NHS: variants seen among roughly 807,000 people sequenced by gnomAD.
NHS encodes the protein NHS actin remodeling regulator.
A neutral mutation model predicts 72.5 loss-of-function variants in NHS; 5 were observed. That is an observed-to-expected ratio of 0.07 (90% CI 0.04 to 0.14). NHS has a LOEUF of 0.14. Among genes scored for constraint, NHS ranks in the 10% least tolerant of loss-of-function variants. The pLI, the probability that NHS is intolerant of heterozygous loss-of-function variation, is 1.00. For synonymous variants in NHS, 464 were observed against 547.7 expected (o/e 0.85, Z 2.13); for missense variants, 1,072 against 1,355.7 (o/e 0.79, Z 3.29).
At chrX:17,687,161 A>G (rs1385742688) in intron 1 of NHS, 1 of 128,265 alleles carries the variant, frequency 7.8e-6, no homozygotes, top group Non-Finnish European at 1.6e-5. Context: ...ACCAAGGAAG[A>G]GCAATGCTTT....
intron 1 of NHS, among the ~76,000 whole-genome samples, chrX:17,657,244 G>C (rs1177770189): frequency 8.9e-6 from 1 of 112,964 alleles, no homozygotes; most frequent in Non-Finnish European, 1.9e-5. Context: ...TCACCCCCCT[G>C]CGGGGAAGAC....
chrX:17,591,876 G>A (rs1470819750), intron 1 of NHS, among the ~76,000 whole-genome samples: 2 of 111,473 alleles, frequency 1.8e-5, no homozygotes, highest in African/African-American at 3.3e-5. Context: ...ATTTCCCTCC[G>A]GCTGCCTTTA....
intron 5 of NHS, among the ~76,000 whole-genome samples, chrX:17,722,745 G>C (rs1002070916): frequency 1.3e-4 from 14 of 110,854 alleles, no homozygotes; most frequent in Non-Finnish European, 2.5e-4. Flanking sequence ...GGGGAGTTCA[G>C]CTGCCAAAAT....
At chrX:17,723,558 T>C (rs893651610) in intron 5 of NHS, among the ~76,000 whole-genome samples, 1 of 112,020 alleles carries the variant, frequency 8.9e-6, no homozygotes, top group Non-Finnish European at 1.9e-5. Flanking sequence ...GGTGGATCCA[T>C]TTAAGTGCAG....
chrX:17,588,656 C>T (rs998170774), intron 1 of NHS, among the ~76,000 whole-genome samples: 12 of 109,906 alleles, frequency 1.1e-4, no homozygotes, highest in Non-Finnish European at 1.9e-4. Flanking sequence ...AGTCATTTAA[C>T]TCATCAGGGT....
intron 3 of NHS, among the ~76,000 whole-genome samples, chrX:17,715,698 G>T (rs914245490): frequency 9.0e-6 from 1 of 110,995 alleles, no homozygotes; most frequent in Admixed American, 9.6e-5. Flanking sequence ...TGTCACCCAG[G>T]TATGAAGTCT....
At position 17,506,969 on chromosome X, in the gene NHS, CCAGT is replaced by C. The variant is rs1414985818; in HGVS notation, c.565+130651_565+130654del. ...ACATTTAAGGCTGGGGAAAAAAACA[CCAGT>C]CAGATTAGATGACTAATCTTGCTAA... On this transcript the variant is annotated intron_variant, in intron 1 of 8. Transcript: ENST00000676302. 3.1e-4 allele frequency among the ~76,000 whole-genome samples: 35 copies of C among 111,939 alleles called. 2 individuals carry two copies. The highest frequency in any genetic ancestry group is 3.8e-5 in the Non-Finnish European group (2 of 53,210).
intron 1 of NHS, among the ~76,000 whole-genome samples, chrX:17,560,331 T>C (rs1057312515): frequency 1.8e-4 from 20 of 112,585 alleles, no homozygotes; most frequent in Non-Finnish European, 2.8e-4. Flanking sequence ...ATCTTCAGGA[T>C]TGGATTTCCT....
intron 1 of NHS, among the ~76,000 whole-genome samples, chrX:17,560,672 G>T (rs369316924): frequency 1.8e-5 from 2 of 112,319 alleles, no homozygotes; most frequent in African/African-American, 6.5e-5. Context: ...ACTTCAAACA[G>T]CCTTTTGCTA....
At chrX:17,573,470 C>A (rs1052900402) in intron 1 of NHS, among the ~76,000 whole-genome samples, 2 of 109,123 alleles carry the variant, frequency 1.8e-5, no homozygotes, top group Admixed American at 2.0e-4. Flanking sequence ...TTGATCGAGT[C>A]AGCTATTGAA....
intron 1 of NHS, among the ~76,000 whole-genome samples, chrX:17,538,573 T>C (rs2065244585): frequency 9.0e-6 from 1 of 111,619 alleles, no homozygotes; most frequent in Non-Finnish European, 1.9e-5. Flanking sequence ...CCAGAGATGT[T>C]GAGTCCTGGC....
chrX:17,423,334 G>A (rs371071204), intron 1 of NHS, among the ~76,000 whole-genome samples: 2 of 112,189 alleles, frequency 1.8e-5, no homozygotes, highest in South Asian at 7.5e-4. Flanking sequence ...CCAGGGTGAA[G>A]ATATAAGAGA....
At chrX:17,565,663 A>G (rs1474055709) in intron 1 of NHS, among the ~76,000 whole-genome samples, 1 of 111,722 alleles carries the variant, frequency 9.0e-6, no homozygotes, top group Non-Finnish European at 1.9e-5. Flanking sequence ...GCTGATTTCT[A>G]TATTTGGAGG....
chrX:17,443,484 A>G (rs2064765512), intron 1 of NHS, among the ~76,000 whole-genome samples: 1 of 111,579 alleles, frequency 9.0e-6, no homozygotes, highest in Admixed American at 9.5e-5. Flanking sequence ...AGTCTGAGGG[A>G]GGAGGTGGTG....
chrX:17,670,864 C>T (rs747525955), intron 1 of NHS, among the ~76,000 whole-genome samples: 2 of 112,213 alleles, frequency 1.8e-5, no homozygotes, highest in Non-Finnish European at 3.8e-5. Flanking sequence ...CAAAAAAGTA[C>T]TTCCTTACTC....
chrX:17,532,388 T>A (rs1276912818), intron 1 of NHS, among the ~76,000 whole-genome samples: 1 of 110,956 alleles, frequency 9.0e-6, no homozygotes, highest in Non-Finnish European at 1.9e-5. Context: ...AATGATATAG[T>A]CCCTGCCCTT....
chrX:17,439,974 A>G (rs1417314958), intron 1 of NHS, among the ~76,000 whole-genome samples: 2 of 111,739 alleles, frequency 1.8e-5, no homozygotes, highest in Non-Finnish European at 3.8e-5. Context: ...TAAAATGGAA[A>G]CGAGGCCAGG....
At chrX:17,498,281 C>T (rs1377564079) in intron 1 of NHS, among the ~76,000 whole-genome samples, 4 of 111,840 alleles carry the variant, frequency 3.6e-5, no homozygotes, top group African/African-American at 1.3e-4. Flanking sequence ...TATCTCCTCA[C>T]CTAAACTTGA....
intron 1 of NHS, among the ~76,000 whole-genome samples, chrX:17,642,664 C>T (rs1052384401): frequency 8.9e-6 from 1 of 111,965 alleles, no homozygotes. Context: ...ACATCTTATA[C>T]ACTGATTTAC....
Sources: gnomAD v4.1 joint callset for allele counts (sites outside exome capture counted in the v4.1 genomes callset) on GRCh38, gnomAD v4.1.1 for gene constraint, MANE v1.5 for transcripts, NCBI Gene and HGNC (gene_info 2026-07-23, HGNC 2026-07-21) for gene names.